Variants in ZNF134 observed in about 807,000 individuals in gnomAD.
ZNF134 encodes zinc finger protein 134.
A neutral mutation model predicts 2.5 loss-of-function variants in ZNF134; 5 were observed. That is an observed-to-expected ratio of 2.03 (90% CI 1.06 to 4.27). ZNF134 has a LOEUF of 4.27. Among genes scored for constraint, ZNF134 ranks in the 30% most tolerant of loss-of-function variants. The probability of loss-of-function intolerance (pLI) is 0.00; values close to 1 mark genes in which losing one functional copy is unlikely to be tolerated. For missense variants in ZNF134, 540 were observed against 517.5 expected, an observed-to-expected ratio of 1.04 and a Z score of -0.42; for synonymous variants, 176 against 176.2, an observed-to-expected ratio of 1.00 and a Z score of 0.01.
At position 57,622,958 on chromosome 19, in the gene ZNF134, TAC is replaced by T. The variant is rs3054108; in HGVS notation, c.*1592_*1593del. ...TTAAAGTGTACGAGTTAAGTCTTGA[TAC>T]ACACACACACACACACACACACACA... On this transcript the variant is annotated 3_prime_UTR_variant, in exon 3 of 3. Transcript: ENST00000396161. 63,594 of 146,904 alleles carry T rather than the reference TAC, an allele frequency of 0.43. 13,907 individuals carry two copies. Among genetic ancestry groups the T allele is most frequent in the East Asian group, 0.51 (2,555 of 4,970 alleles). The allele number at this position is 146,904 out of a possible 1,614,324, so 9.1% of individuals were successfully genotyped here.
Position 57,621,091 on chromosome 19 carries a change from C to G in ZNF134, c.972C>G (p.Ser324=). ...NPYDCSDCGK[S]FGHKYTLIKH... is the part of the protein sequence containing the mutation. ...ATGATTGCAGTGATTGTGGGAAATC[C>G]TTTGGCCACAAATACACCCTCATTA... The change falls in exon 3 of 3, where the codon TCC becomes TCG. Residue 324 remains serine (S), a synonymous_variant. Transcript: ENST00000396161. 1 of 1,614,216 alleles carries G rather than the reference C, an allele frequency of 6.2e-7. No individual in the cohort carries two copies. Among genetic ancestry groups the G allele is most frequent in the Non-Finnish European group, 8.5e-7 (1 of 1,180,046 alleles).
At chr19:57,614,808 G>A (rs574984231) in intron 1 of ZNF134, among the ~76,000 whole-genome samples, 1 of 152,172 alleles carries the variant, frequency 6.6e-6, no homozygotes, top group South Asian at 2.1e-4. Context: ...GAAGGGATCC[G>A]AAAAAGGATT....
Position 57,622,412 on chromosome 19 carries a change from G to T in ZNF134, c.*1009G>T, listed in dbSNP as rs1981252632. The stretch of plus-strand genomic sequence containing the variant: ...ATAAATATTGAGTGTGAGTAATTGG[G>T]ATTGGGGAGATTGTGGCAAACTAGA... On this transcript the variant is annotated 3_prime_UTR_variant, in exon 3 of 3. Transcript: ENST00000396161. The T allele has an allele frequency of 1.3e-5, 2 of 152,272 alleles. No homozygotes were observed. Among genetic ancestry groups the T allele is most frequent in the Non-Finnish European group, 2.9e-5 (2 of 68,108 alleles). 9.4% of individuals were successfully genotyped at this position (152,272 alleles called of 1,614,324 possible). A position where few individuals can be genotyped will look rare whatever the true frequency, so the allele number is the denominator to read the frequency against.
chr19:57,617,155 G>A (rs1981076004), intron 1 of ZNF134, among the ~76,000 whole-genome samples: 3 of 152,198 alleles, frequency 2.0e-5, no homozygotes, highest in Non-Finnish European at 4.4e-5. Context: ...GGCAGCCTGA[G>A]GATCTGGGTT....
Position 57,621,153 on chromosome 19 carries a change from A to G in ZNF134, c.1034A>G (p.Glu345Gly). The G allele has an allele frequency of 6.2e-7, 1 of 1,614,262 alleles. No homozygotes were observed. Among genetic ancestry groups the G allele is most frequent in the Non-Finnish European group, 8.5e-7 (1 of 1,180,042 alleles). ...ATTCACACTGAGTCAAAGCCGTTTG[A>G]GTGCATTGAATGCGGGAAATTCTTT... ...QRIHTESKPF[E>G]CIECGKFFSR... The change falls in exon 3 of 3, where the codon GAG becomes GGG. Residue 345 changes from glutamate to glycine, a missense_variant. Physicochemically the swap from Glu to Gly is moderately conservative, Grantham distance 98 (BLOSUM62 -2). Transcript: ENST00000396161.
chr19:57,616,924 A>G (rs931076800), intron 1 of ZNF134, among the ~76,000 whole-genome samples: 2 of 152,194 alleles, frequency 1.3e-5, no homozygotes, highest in Non-Finnish European at 2.9e-5. Flanking sequence ...GAGGTCCTGC[A>G]GTCACCCAAA....
rs74745582 is a variant in ZNF134, at chr19:57,614,344, C to T, written c.-217C>T. The T allele has an allele frequency of 0.08, 36,200 of 454,314 alleles. 1,700 individuals carry two copies. Among genetic ancestry groups the T allele is most frequent in the East Asian group, 0.095 (1,344 of 14,120 alleles). 28.1% of individuals were successfully genotyped at this position (454,314 alleles called of 1,614,324 possible). On this transcript the variant is annotated 5_prime_UTR_variant, in exon 1 of 3. Transcript: ENST00000396161. ...GGAAGCGGGAGGGTGCGGGAGAAGT[C>T]GCTGTTCGCTCTGCGGAGTGGCTCG...
chr19:57,614,496 C>G lies in ZNF134; in HGVS notation c.-65C>G. On this transcript the variant is annotated 5_prime_UTR_variant, in exon 1 of 3. Coordinates refer to ENST00000396161, the MANE Select transcript of ZNF134 (RefSeq NM_003435.5). The stretch of plus-strand genomic sequence containing the variant: ...ATGGCGGCGGCCGCGGTGATGGGCC[C>G]GGCGCAGGTGGGTGCTGCCTTTCCC... 2.6e-6 allele frequency: 1 copy of G among 388,712 alleles called. No homozygotes were observed. The highest frequency in any genetic ancestry group is 5.1e-6 in the Non-Finnish European group (1 of 195,872). 24.1% of individuals were successfully genotyped at this position (388,712 alleles called of 1,614,324 possible).
intron 1 of ZNF134, among the ~76,000 whole-genome samples, chr19:57,615,219 C>T (rs899723732): frequency 1.3e-5 from 2 of 152,000 alleles, no homozygotes; most frequent in African/African-American, 4.8e-5. Context: ...ACTGGAGGTT[C>T]ATCACGGGTA....
chr19:57,620,734 G>A lies in ZNF134; in HGVS notation c.615G>A (p.Glu205=), dbSNP rs1383942188. The A allele has an allele frequency of 8.7e-6, 14 of 1,611,202 alleles. No individual in the cohort carries two copies. In the Admixed American group the frequency reaches 2.2e-4, roughly 25 times the overall value. The change falls in exon 3 of 3, where the codon GAG becomes GAA. Residue 205 remains glutamate (E), a synonymous_variant. Coordinates refer to ENST00000396161, the MANE Select transcript of ZNF134 (RefSeq NM_003435.5). ...QRIHSGEKPY[E]CSECGKAFSR... Reference sequence around the variant, plus strand: ...TTCATAGTGGAGAGAAGCCTTATGAGTGCAGCGAATGTGGGAAAGCCTTCA... The same window carrying A: ...TTCATAGTGGAGAGAAGCCTTATGAATGCAGCGAATGTGGGAAAGCCTTCA...
At position 57,621,176 on chromosome 19, in the gene ZNF134, T is replaced by C; in HGVS notation, c.1057T>C (p.Phe353Leu). ...PFECIECGKF[F>L]SRSSDYIAHQ... ...TGAGTGCATTGAATGCGGGAAATTC[T>C]TTAGTCGAAGTTCTGACTATATTGC... Residue 353 changes from phenylalanine (F) to leucine (L), a missense_variant, in exon 3 of 3, where the codon TTT (phenylalanine) becomes CTT (leucine). By Grantham distance (22) the Phe-to-Leu change is conservative (BLOSUM62 0). Transcript: ENST00000396161. The C allele has an allele frequency of 6.2e-7, 1 of 1,614,260 alleles. No homozygotes were observed. The highest frequency in any genetic ancestry group is 8.5e-7 in the Non-Finnish European group (1 of 1,180,054).
At chr19:57,615,766 G>T (rs1028005871) in intron 1 of ZNF134, among the ~76,000 whole-genome samples, 1 of 152,202 alleles carries the variant, frequency 6.6e-6, no homozygotes, top group African/African-American at 2.4e-5. Flanking sequence ...ACAGTGGTGG[G>T]ACATGTGAGT....
chr19:57,617,490 A>G (rs1407101704), intron 1 of ZNF134, among the ~76,000 whole-genome samples: 1 of 152,220 alleles, frequency 6.6e-6, no homozygotes, highest in Non-Finnish European at 1.5e-5. Flanking sequence ...AGATGCCATC[A>G]ACTGAAGTGA....
In ZNF134 at chr19:57,620,237, TC is replaced by T. The variant is rs758340270; in HGVS notation, c.120del (p.Lys41ArgfsTer19). 5 of 1,614,094 alleles carry T rather than the reference TC, an allele frequency of 3.1e-6. No individual in the cohort carries two copies. The African/African-American group carries it at 5.3e-5, about 17-fold the overall frequency. Reference protein sequence around the residue: ...ISIAVSHVNTSKAGLPAQTAL... With the variant: ...ISIAVSHVNTXKAGLPAQTAL... Reference sequence around the variant, plus strand: ...TATAGCAGTGTCACATGTTAATACTTCCAAGGCAGGTTTGCCCGCACAGACG... The same window carrying T: ...TATAGCAGTGTCACATGTTAATACTTCAAGGCAGGTTTGCCCGCACAGACG... On this transcript the variant is annotated frameshift_variant, in exon 3 of 3. Transcript: ENST00000396161. LOFTEE classifies it low-confidence loss of function (END_TRUNC).
At chr19:57,620,094 T>C (rs1981155767) in intron 2 of ZNF134, 66 bp from the exon 3 acceptor site, 3 of 1,551,900 alleles carry the variant, frequency 1.9e-6, no homozygotes, top group South Asian at 2.5e-5. Context: ...CAGACACATA[T>C]TTGTGATGTA....
chr19:57,621,120 A>G lies in ZNF134; in HGVS notation c.1001A>G (p.His334Arg). Residue 334 changes from histidine to arginine, a missense_variant, in exon 3 of 3, where the codon CAT (histidine) becomes CGT (arginine). By Grantham distance (29) the His-to-Arg change is conservative. Transcript: ENST00000396161. ...GGCCACAAATACACCCTCATTAAAC[A>G]TCAGCGAATTCACACTGAGTCAAAG... ...SFGHKYTLIKHQRIHTESKPF... is the reference protein window; with the variant it reads ...SFGHKYTLIKRQRIHTESKPF... The G allele has an allele frequency of 6.2e-7, 1 of 1,614,290 alleles. No individual in the cohort carries two copies. Among genetic ancestry groups the G allele is most frequent in the Non-Finnish European group, 8.5e-7 (1 of 1,180,052 alleles).
Position 57,622,551 on chromosome 19 carries a change from A to C in ZNF134, c.*1148A>C, listed in dbSNP as rs1981255839. ...CCAGGGCCATGTTACTGTTAGGTCA[A>C]GGTCACTGGTGCAGCAACGAATGTA... On this transcript the variant is annotated 3_prime_UTR_variant, in exon 3 of 3. Coordinates refer to ENST00000396161, the MANE Select transcript of ZNF134 (RefSeq NM_003435.5). 1 of 152,216 alleles carries C rather than the reference A, an allele frequency of 6.6e-6. No individual in the cohort carries two copies. The highest frequency in any genetic ancestry group is 1.5e-5 in the Non-Finnish European group (1 of 68,062). 9.4% of individuals were successfully genotyped at this position (152,216 alleles called of 1,614,324 possible).
rs1300628404 is a variant in ZNF134, at chr19:57,624,649, GCT to G, written c.*3250_*3251del. The G allele has an allele frequency of 6.6e-6, 1 of 152,182 alleles. No individual in the cohort carries two copies. The highest frequency in any genetic ancestry group is 1.5e-5 in the Non-Finnish European group (1 of 68,062). 9.4% of individuals were successfully genotyped at this position (152,182 alleles called of 1,614,324 possible). On this transcript the variant is annotated 3_prime_UTR_variant, in exon 3 of 3. Coordinates refer to ENST00000396161, the MANE Select transcript of ZNF134 (RefSeq NM_003435.5). ...ACCCAAACTTTGTTTTGCATGACTT[GCT>G]CTCAGGGGCACTCCCACACTTCTCT...
chr19:57,619,953 G>A (rs1039612018), intron 2 of ZNF134, among the ~76,000 whole-genome samples: 4 of 152,244 alleles, frequency 2.6e-5, no homozygotes, highest in African/African-American at 4.8e-5. Flanking sequence ...CCCCATCCTC[G>A]TGTCTTTGTT....
Sources: gnomAD v4.1 joint callset for allele counts (sites outside exome capture counted in the v4.1 genomes callset) on GRCh38, gnomAD v4.1.1 for gene constraint, MANE v1.5 for transcripts, NCBI Gene and HGNC (gene_info 2026-07-23, HGNC 2026-07-21) for gene names.